DPYD: variants seen among roughly 807,000 people sequenced by gnomAD.
DPYD encodes the protein dihydropyrimidine dehydrogenase, also known as dihydropyrimidine dehydrogenase [NADP(+)].
A neutral mutation model predicts 116.2 loss-of-function variants in DPYD; 109 were observed. The ratio of observed to expected loss-of-function variants is 0.94; its 90% CI spans 0.80 to 1.10. The LOEUF is 1.10. Among genes scored for constraint, DPYD ranks in the 50% least tolerant of loss-of-function variants. The pLI is 0.00. For synonymous variants in DPYD, 440 were observed against 432.0 expected (o/e 1.02, Z -0.23); for missense variants, 1,302 against 1,254.5 (o/e 1.04, Z -0.57).
At chr1:97,788,214 C>T (rs1667142498) in intron 3 of DPYD, among the ~76,000 whole-genome samples, 1 of 152,178 alleles carries the variant, frequency 6.6e-6, no homozygotes, top group African/African-American at 2.4e-5. Context: ...TCCCTTGAAT[C>T]TGGACTACTT....
At chr1:97,838,336 AC>A (rs1669870799) in intron 2 of DPYD, among the ~76,000 whole-genome samples, 1 of 152,206 alleles carries the variant, frequency 6.6e-6, no homozygotes, top group Non-Finnish European at 1.5e-5. Context: ...TATAATAGCA[AC>A]GGTATGTGGC....
chr1:97,680,715 G>A (rs966969929), intron 7 of DPYD, among the ~76,000 whole-genome samples: 6 of 152,154 alleles, frequency 3.9e-5, no homozygotes, highest in African/African-American at 1.4e-4. Context: ...ACATCAGGCA[G>A]ATCAGACAGC....
intron 3 of DPYD, among the ~76,000 whole-genome samples, chr1:97,799,224 AG>A (rs1270191727): frequency 6.6e-6 from 1 of 151,922 alleles, no homozygotes; most frequent in East Asian, 1.9e-4. Context: ...CTAGCCCTAT[AG>A]AATGCAAAAT....
intron 20 of DPYD, among the ~76,000 whole-genome samples, chr1:97,127,233 G>A (rs1652919508): frequency 6.6e-6 from 1 of 152,120 alleles, no homozygotes; most frequent in South Asian, 2.1e-4. Flanking sequence ...TGACAAAGAG[G>A]AAAACAGAAC....
At chr1:97,603,832 G>T (rs1244997482) in intron 8 of DPYD, among the ~76,000 whole-genome samples, 1 of 152,068 alleles carries the variant, frequency 6.6e-6, no homozygotes, top group Admixed American at 6.6e-5. Context: ...TGTAATAATT[G>T]TTAACATATC....
chr1:97,262,753 A>G (rs1211255865), intron 18 of DPYD, among the ~76,000 whole-genome samples: 2 of 151,890 alleles, frequency 1.3e-5, no homozygotes, highest in Non-Finnish European at 2.9e-5. Flanking sequence ...TTTCTGATAG[A>G]GAAGATAATA....
At chr1:97,315,349 G>A (rs1360120254) in intron 16 of DPYD, among the ~76,000 whole-genome samples, 5 of 151,864 alleles carry the variant, frequency 3.3e-5, no homozygotes, top group Non-Finnish European at 4.4e-5. Flanking sequence ...AGCTATTTCC[G>A]GTGAATGTGG....
chr1:97,514,284 C>G, intron 13 of DPYD: 1 of 961,424 alleles, frequency 1.0e-6, no homozygotes, highest in Non-Finnish European at 1.2e-6. Context: ...ACTGATGTCT[C>G]TGATTAATCA....
At chr1:97,348,321 A>C (rs2101298015) in intron 16 of DPYD, among the ~76,000 whole-genome samples, 1 of 152,322 alleles carries the variant, frequency 6.6e-6, no homozygotes, top group African/African-American at 2.4e-5. Context: ...ATGCTGTCGA[A>C]TCGTAATTTG....
At chr1:97,127,412 T>C (rs541294359) in intron 20 of DPYD, among the ~76,000 whole-genome samples, 1 of 152,272 alleles carries the variant, frequency 6.6e-6, no homozygotes, top group African/African-American at 2.4e-5. Context: ...TGCAGAGTTG[T>C]ACATCTCTCA....
intron 14 of DPYD, among the ~76,000 whole-genome samples, chr1:97,432,572 C>T (rs1287545012): frequency 6.6e-6 from 1 of 151,724 alleles, no homozygotes; most frequent in Non-Finnish European, 1.5e-5. Flanking sequence ...AATTCCAATT[C>T]TATGTGTGGG....
chr1:97,283,268 C>G (rs1426507420), intron 18 of DPYD, among the ~76,000 whole-genome samples: 1 of 151,932 alleles, frequency 6.6e-6, no homozygotes, highest in Non-Finnish European at 1.5e-5. Flanking sequence ...TGAGTGTCTT[C>G]TTTTATATGC....
chr1:97,555,561 T>C (rs1294673976), intron 11 of DPYD, among the ~76,000 whole-genome samples: 22 of 152,242 alleles, frequency 1.4e-4, no homozygotes, highest in Admixed American at 1.4e-3. Context: ...TTACCTTTGC[T>C]TCACTCCTCA....
chr1:97,697,238 G>C (rs991480975), intron 6 of DPYD, among the ~76,000 whole-genome samples: 2 of 151,848 alleles, frequency 1.3e-5, no homozygotes, highest in African/African-American at 2.4e-5. Flanking sequence ...TTAAATCCTA[G>C]ATATTTTTCA....
chr1:97,734,902 C>T (rs1037171669), intron 4 of DPYD, among the ~76,000 whole-genome samples: 3 of 152,038 alleles, frequency 2.0e-5, no homozygotes, highest in African/African-American at 7.2e-5. Context: ...GTCCACATCA[C>T]CAGAAAGAGA....
chr1:97,113,314 C>G (rs572378081), intron 20 of DPYD, among the ~76,000 whole-genome samples: 1 of 152,212 alleles, frequency 6.6e-6, no homozygotes, highest in African/African-American at 2.4e-5. Flanking sequence ...GTTACTGCTT[C>G]TTTCTGACTT....
chr1:97,668,644 A>T (rs1373921949), intron 8 of DPYD, among the ~76,000 whole-genome samples: 1 of 152,154 alleles, frequency 6.6e-6, no homozygotes, highest in Non-Finnish European at 1.5e-5. Context: ...TGGCATTAAA[A>T]GAGTAAGAGA....
intron 19 of DPYD, 130 bp downstream of exon 19, chr1:97,234,722 G>T: frequency 8.8e-7 from 1 of 1,131,462 alleles, no homozygotes; most frequent in Non-Finnish European, 1.3e-6. Context: ...AATACATGCT[G>T]CCATTTTGAT....
At chr1:97,438,052 G>A (rs1367251765) in intron 14 of DPYD, among the ~76,000 whole-genome samples, 1 of 151,942 alleles carries the variant, frequency 6.6e-6, no homozygotes, top group East Asian at 1.9e-4. Context: ...TAATTTGTGG[G>A]TTGTTTGTAG....
Sources: gnomAD v4.1 joint callset for allele counts (sites outside exome capture counted in the v4.1 genomes callset) on GRCh38, gnomAD v4.1.1 for gene constraint, MANE v1.5 for transcripts, NCBI Gene and HGNC (gene_info 2026-07-23, HGNC 2026-07-21) for gene names.